The following FRMD4B variants were observed in gnomAD, a reference collection of about 807,000 sequenced individuals.
The protein encoded by FRMD4B is FERM domain containing 4B, also known as FERM domain-containing protein 4B.
FRMD4B carries 74 observed loss-of-function variants against 141.5 expected under a neutral mutation model. That is an observed-to-expected ratio of 0.52 (90% CI 0.43 to 0.63). The LOEUF is 0.63. Ranked by LOEUF, FRMD4B falls within the 30% of genes least tolerant of loss-of-function variation. The pLI, the probability that FRMD4B is intolerant of heterozygous loss-of-function variation, is 0.00. For missense variants in FRMD4B, 1,366 were observed against 1,253.4 expected, an observed-to-expected ratio of 1.09 and a Z score of -1.36; for synonymous variants, 506 against 467.9, an observed-to-expected ratio of 1.08 and a Z score of -1.05.
In FRMD4B at chr3:69,324,564, G is replaced by T. The variant is rs565041938; in HGVS notation, c.163-11047C>A. On this transcript the variant is annotated intron_variant, in intron 1 of 22. Transcript: ENST00000398540. ...GACCTCTACCCACTAGATGTCAGTA[G>T]ATCCTCCCCCATATGTCTCCAGACC... is the stretch of plus-strand genomic sequence containing the variant. Among the ~76,000 whole-genome samples the T allele has an allele frequency of 5.9e-5, 9 of 152,356 alleles. No individual in the cohort carries two copies. The East Asian group carries it at 1.5e-3, about 26-fold the overall frequency.
chr3:69,490,272 T>C (rs1224437404), intron 1 of FRMD4B, among the ~76,000 whole-genome samples: 1 of 152,250 alleles, frequency 6.6e-6, no homozygotes, highest in Non-Finnish European at 1.5e-5. Flanking sequence ...AAAAGTTTCA[T>C]CTATCATGTG....
At position 69,431,794 on chromosome 3, in the gene FRMD4B, T is replaced by C. The variant is rs138621455; in HGVS notation, c.-1+840A>G. On this transcript the variant is annotated intron_variant, in intron 2 of 5. Transcript: ENST00000459638. ...AGCATGTGGATTTGCAATCTTACCA[T>C]TGATTTCATCAAAGGAAGCATTTTG... Among the ~76,000 whole-genome samples, 94 of 152,338 alleles carry C rather than the reference T, an allele frequency of 6.2e-4. 1 individual carries two copies. Among genetic ancestry groups the C allele is most frequent in the African/African-American group, 2.2e-3 (90 of 41,574 alleles).
chr3:69,196,879 G>C (rs1373346043), intron 13 of FRMD4B, 21 bp downstream of exon 13: 1 of 1,585,298 alleles, frequency 6.3e-7, no homozygotes, highest in African/African-American at 1.3e-5. Flanking sequence ...TGTCCCTATA[G>C]AAATGATGCC....
rs114986019 is a variant in FRMD4B at position 69,312,528 on chromosome 3, G to A, written c.228+924C>T. 2.7e-3 allele frequency among the ~76,000 whole-genome samples: 407 copies of A among 152,276 alleles called. 2 individuals carry two copies. Among genetic ancestry groups the A allele is most frequent in the African/African-American group, 9.4e-3 (390 of 41,570 alleles). On this transcript the variant is annotated intron_variant, in intron 2 of 22. Transcript: ENST00000398540. ...GGCTAGCTGTAGGTGTGGCCCGTCC[G>A]CAGGGACTTTCACAATTTTTAAAGA... is the stretch of plus-strand genomic sequence containing the variant.
intron 1 of FRMD4B, among the ~76,000 whole-genome samples, chr3:69,489,024 A>G (rs968546336): frequency 5.8e-4 from 88 of 152,148 alleles, no homozygotes; most frequent in Admixed American, 4.5e-3. Flanking sequence ...GTAAAAGAGA[A>G]GGGTGATACA....
intron 7 of FRMD4B, among the ~76,000 whole-genome samples, chr3:69,242,719 G>A (rs1002578291): frequency 2.0e-5 from 3 of 148,600 alleles, no homozygotes; most frequent in South Asian, 2.1e-4. Flanking sequence ...GGCCGGGCTC[G>A]TTGCTCACCT....
At chr3:69,334,744 G>A (rs893588408) in intron 1 of FRMD4B, among the ~76,000 whole-genome samples, 1 of 152,186 alleles carries the variant, frequency 6.6e-6, no homozygotes, top group Non-Finnish European at 1.5e-5. Flanking sequence ...TCCACTGTGT[G>A]ACTAGCATCC....
At position 69,181,337 on chromosome 3, in the gene FRMD4B, A is replaced by G. The variant is rs759662101; in HGVS notation, c.2413T>C (p.Tyr805His). The G allele has an allele frequency of 6.2e-7, 1 of 1,613,980 alleles. No homozygotes were observed. The highest frequency in any genetic ancestry group is 1.1e-5 in the South Asian group (1 of 91,084). ...GCATAGGGTGTGTACCCGGCAATGT[A>G]GTAACTGGAAGACGGTGGCTCCTGA... ...KSQEPPSSSY[Y>H]IAGYTPYAEC... Residue 805 changes from tyrosine to histidine, a missense_variant, in exon 21 of 23, where the codon TAC (tyrosine) becomes CAC (histidine). Transcript: ENST00000398540.
At chr3:69,204,489 C>T (rs1461987505) in intron 11 of FRMD4B, among the ~76,000 whole-genome samples, 3 of 152,178 alleles carry the variant, frequency 2.0e-5, no homozygotes, top group Non-Finnish European at 4.4e-5. Context: ...CAGTGACTCA[C>T]ACGGTGGGGG....
At chr3:69,198,909 C>A (rs2092937010) in intron 11 of FRMD4B, 135 bp from the exon 12 acceptor site, 5 of 622,524 alleles carry the variant, frequency 8.0e-6, no homozygotes, top group Non-Finnish European at 1.5e-5. Context: ...TGTGATTCAG[C>A]CTTTTTACAA....
chr3:69,347,573 T>C (rs1466495808), intron 1 of FRMD4B, among the ~76,000 whole-genome samples: 1 of 152,204 alleles, frequency 6.6e-6, no homozygotes, highest in Admixed American at 6.5e-5. Flanking sequence ...ATTGACCACA[T>C]AGTTGGAAGT....
At chr3:69,385,521 T>G (rs1225993248) in intron 1 of FRMD4B, among the ~76,000 whole-genome samples, 1 of 152,196 alleles carries the variant, frequency 6.6e-6, no homozygotes, top group African/African-American at 2.4e-5. Flanking sequence ...AGTGGCTTTC[T>G]GAAGACCCTC....
intron 10 of FRMD4B, 131 bp downstream of exon 10, chr3:69,218,191 C>A: frequency 1.7e-6 from 1 of 595,630 alleles, no homozygotes; most frequent in Non-Finnish European, 3.0e-6. Context: ...AAGTATTTTG[C>A]AAAAATAATG....
At chr3:69,496,042 T>A (rs1325014070) in intron 1 of FRMD4B, among the ~76,000 whole-genome samples, 1 of 152,224 alleles carries the variant, frequency 6.6e-6, no homozygotes, top group African/African-American at 2.4e-5. Flanking sequence ...TCAAATATTT[T>A]TATTTATACT....
chr3:69,531,641 G>A (rs1169136352), intron 1 of FRMD4B, among the ~76,000 whole-genome samples: 1 of 152,110 alleles, frequency 6.6e-6, no homozygotes, highest in Non-Finnish European at 1.5e-5. Flanking sequence ...AGCATCTATC[G>A]AATAGCATGA....
intron 1 of FRMD4B, among the ~76,000 whole-genome samples, chr3:69,380,566 A>G (rs1267144969): frequency 6.6e-6 from 1 of 151,760 alleles, no homozygotes; most frequent in East Asian, 1.9e-4. Context: ...CTGTTCCCCC[A>G]CTCTTACCCA....
chr3:69,318,712 G>T (rs1179283396), intron 1 of FRMD4B, among the ~76,000 whole-genome samples: 1 of 152,176 alleles, frequency 6.6e-6, no homozygotes, highest in Non-Finnish European at 1.5e-5. Context: ...GATGTATTTT[G>T]TTCACCACAA....
chr3:69,286,827 CAA>C (rs771915219), intron 5 of FRMD4B, among the ~76,000 whole-genome samples: 7 of 152,188 alleles, frequency 4.6e-5, no homozygotes, highest in Non-Finnish European at 1.0e-4. Flanking sequence ...GTTTTTGAGA[CAA>C]AGTCTAACTC....
chr3:69,174,699 A>C (rs925538684), intron 22 of FRMD4B, among the ~76,000 whole-genome samples: 40 of 152,314 alleles, frequency 2.6e-4, no homozygotes, highest in African/African-American at 8.9e-4. Flanking sequence ...TTTCTCTAAA[A>C]ATGCTTAACA....
Sources: gnomAD v4.1 joint callset for allele counts (sites outside exome capture counted in the v4.1 genomes callset) on GRCh38, gnomAD v4.1.1 for gene constraint, MANE v1.5 for transcripts, NCBI Gene and HGNC (gene_info 2026-07-23, HGNC 2026-07-21) for gene names.